The following SPTB variants were observed in gnomAD, a reference collection of about 807,000 sequenced individuals.
The protein encoded by SPTB is spectrin beta chain, erythrocytic.
Under a neutral mutation model 256.2 loss-of-function variants are expected in SPTB, and 45 were observed. That is an observed-to-expected ratio of 0.18 (90% confidence interval 0.14 to 0.23). The LOEUF is 0.23. Ranked by LOEUF, SPTB falls within the 10% of genes least tolerant of loss-of-function variation. The pLI, the probability that SPTB is intolerant of heterozygous loss-of-function variation, is 1.00. For synonymous variants in SPTB, 1,231 were observed against 1,243.1 expected, an observed-to-expected ratio of 0.99 and a Z score of 0.21; for missense variants, 2,715 against 3,040.4, an observed-to-expected ratio of 0.89 and a Z score of 2.52.
rs533113229 is a variant in SPTB at position 64,845,476 on chromosome 14, T to C, written c.-51-22331A>G. 9.8e-5 allele frequency among the ~76,000 whole-genome samples: 15 copies of C among 152,300 alleles called. No individual in the cohort carries two copies. In the East Asian group the frequency reaches 2.7e-3, roughly 27 times the overall value. On this transcript the variant is annotated intron_variant, in intron 1 of 35. Transcript: ENST00000644917. The surrounding 1 kb of genome is among the most constrained non-coding windows in gnomAD (Gnocchi z 4.8). ...ATACCTGCCAGTCTCCTCATCTCCA[T>C]CAATTAGAAAAAGAGAACCAAACTG...
intron 15 of SPTB, 78 bp from the exon 16 acceptor site, chr14:64,787,238 C>T: frequency 6.4e-7 from 1 of 1,566,540 alleles, no homozygotes; most frequent in South Asian, 1.1e-5. Context: ...ACCCTGACCC[C>T]TTCCCACATT....
Position 64,748,812 on chromosome 14 carries a change from AT to A in SPTB, c.*493del, listed in dbSNP as rs2139412511. On this transcript the variant is annotated 3_prime_UTR_variant, in exon 36 of 36. Coordinates refer to ENST00000644917, the MANE Select transcript of SPTB (RefSeq NM_001355436.2). ...TCCTCATGCCCCTAGGGGGCTGGCC[AT>A]GCATTTCCAGTGTCTTCTTCCTTTC... 1 of 162,614 alleles carries A rather than the reference AT, an allele frequency of 6.1e-6. No individual in the cohort carries two copies. Among genetic ancestry groups the A allele is most frequent in the South Asian group, 1.7e-4 (1 of 5,770 alleles). 10.1% of individuals were successfully genotyped at this position (162,614 alleles called of 1,614,324 possible). A position where few individuals can be genotyped will look rare whatever the true frequency, so the allele number is the denominator to read the frequency against.
At chr14:64,774,355 AT>A in intron 24 of SPTB, 41 bp downstream of exon 24, 1 of 1,565,514 alleles carries the variant, frequency 6.4e-7, no homozygotes. Context: ...CCCTGGCTCA[AT>A]CCCCATCTCC....
chr14:64,804,034 T>C (rs1365899041), intron 3 of SPTB, among the ~76,000 whole-genome samples: 1 of 152,182 alleles, frequency 6.6e-6, no homozygotes, highest in Non-Finnish European at 1.5e-5. Flanking sequence ...GCCCTCTGAG[T>C]GGGCAATAAA....
intron 28 of SPTB, among the ~76,000 whole-genome samples, chr14:64,769,320 G>A (rs2082242331): frequency 6.6e-6 from 1 of 152,208 alleles, no homozygotes. Context: ...TATTAAAGGA[G>A]GTCACCAGCT....
At chr14:64,757,331 G>C (rs2082028757) in intron 32 of SPTB, 1 of 152,138 alleles carries the variant, frequency 6.6e-6, no homozygotes, top group Non-Finnish European at 1.5e-5. Context: ...AATAGAGATG[G>C]ATTTTGCCAG....
Position 64,847,095 on chromosome 14 carries a change from G to A in SPTB, c.-51-23950C>T, listed in dbSNP as rs889759555. 3.3e-5 allele frequency among the ~76,000 whole-genome samples: 5 copies of A among 152,178 alleles called. No homozygotes were observed. Among genetic ancestry groups the A allele is most frequent in the Non-Finnish European group, 7.3e-5 (5 of 68,034 alleles). ...TGTCTATGTGTAGCTCCACCTCGGG[G>A]TGTGATTTCCTCAGTTGTTCACTGG... On this transcript the variant is annotated intron_variant, in intron 1 of 35. Coordinates refer to ENST00000644917, the MANE Select transcript of SPTB (RefSeq NM_001355436.2). The surrounding 1 kb of genome is among the most constrained non-coding windows in gnomAD (Gnocchi z 5.9).
chr14:64,801,698 A>C, intron 6 of SPTB, 56 bp downstream of exon 6: 5 of 1,545,220 alleles, frequency 3.2e-6, no homozygotes, highest in Admixed American at 1.7e-5. Context: ...AATGTGTCCA[A>C]ATATTCCCAG....
At position 64,775,184 on chromosome 14, in the gene SPTB, C is replaced by T. The variant is rs756327499; in HGVS notation, c.4783G>A (p.Glu1595Lys). ...TGCTCGCCAATCCAGGCCTCAGCCT[C>T]GTCTGCATCCAGGTAGTACTGCTGT... ...EAQQYYLDAD[E>K]AEAWIGEQEL... Residue 1595 changes from glutamate to lysine, a missense_variant, in exon 23 of 36, where the codon GAG becomes AAG. By Grantham distance (56) the Glu-to-Lys change is moderately conservative. Coordinates refer to ENST00000644917, the MANE Select transcript of SPTB (RefSeq NM_001355436.2). The surrounding 1 kb of genome is among the most constrained non-coding windows in gnomAD (Gnocchi z 5.0). 5.0e-6 allele frequency: 8 copies of T among 1,613,976 alleles called. No homozygotes were observed. Among genetic ancestry groups the T allele is most frequent in the South Asian group, 3.3e-5 (3 of 91,088 alleles).
At position 64,785,682 on chromosome 14, in the gene SPTB, C is replaced by T; in HGVS notation, c.3765-55G>A. On this transcript the variant is annotated intron_variant, in intron 17 of 35. Transcript: ENST00000644917. This position sits in a 1 kb window ranked among gnomAD's most constrained non-coding sequence, Gnocchi z 4.4. Reference sequence around the variant, plus strand: ...ATAGTGCCGAGCTTGGGGTCCTCACCAAGCTTGGGGTCCTCACTACCCCCG... The same window carrying T: ...ATAGTGCCGAGCTTGGGGTCCTCACTAAGCTTGGGGTCCTCACTACCCCCG... The T allele has an allele frequency of 6.2e-7, 1 of 1,613,552 alleles. No homozygotes were observed.
intron 2 of SPTB, among the ~76,000 whole-genome samples, chr14:64,815,022 G>GTGTGTGTGTGCA (rs1555373380): frequency 6.6e-6 from 1 of 151,254 alleles, no homozygotes; most frequent in African/African-American, 2.4e-5. Context: ...GTGTGTATGT[G>GTGTGTGTGTGCA]TGTGTGTGCA....
chr14:64,841,223 T>C lies in SPTB; in HGVS notation c.-51-18078A>G, dbSNP rs998671919. Among the ~76,000 whole-genome samples the C allele has an allele frequency of 4.6e-5, 7 of 152,290 alleles. No individual in the cohort carries two copies. In the East Asian group the frequency reaches 1.2e-3, roughly 25 times the overall value. On this transcript the variant is annotated intron_variant, in intron 1 of 35. Transcript: ENST00000644917. This position sits in a 1 kb window ranked among gnomAD's most constrained non-coding sequence, Gnocchi z 4.6. ...ACTGAGGCTTAGAGGGTTCAGTGAC[T>C]TGCCCCAGTACATCAGCCTGTAAAT... is the stretch of plus-strand genomic sequence containing the variant.
rs1265455043 is a variant in SPTB, at chr14:64,777,905, G to C, written c.4563+1252C>G. On this transcript the variant is annotated intron_variant, in intron 22 of 35. Coordinates refer to ENST00000644917, the MANE Select transcript of SPTB (RefSeq NM_001355436.2). The surrounding 1 kb of genome is among the most constrained non-coding windows in gnomAD (Gnocchi z 4.5). ...TTTGTCTTGCCCTTTTCCCGAAATAGCAACTGCCAGCCAGGGGAGTTAAAA... is the reference window on the plus strand; with the variant it reads ...TTTGTCTTGCCCTTTTCCCGAAATACCAACTGCCAGCCAGGGGAGTTAAAA... 3.9e-5 allele frequency among the ~76,000 whole-genome samples: 6 copies of C among 152,076 alleles called. No homozygotes were observed. The highest frequency in any genetic ancestry group is 7.4e-5 in the Non-Finnish European group (5 of 68,020).
chr14:64,767,993 G>A (rs1202634097), intron 29 of SPTB, 134 bp from the exon 30 acceptor site: 17 of 928,362 alleles, frequency 1.8e-5, no homozygotes, highest in Non-Finnish European at 2.5e-5. Flanking sequence ...GGATACGCTT[G>A]CTGCCTGCAG....
intron 1 of SPTB, among the ~76,000 whole-genome samples, chr14:64,834,260 C>A (rs987229056): frequency 1.3e-5 from 2 of 151,990 alleles, no homozygotes; most frequent in African/African-American, 4.8e-5. Context: ...CTCCTGACCT[C>A]AGATGATCCA....
At position 64,816,930 on chromosome 14, in the gene SPTB, T is replaced by C. The variant is rs2083202347; in HGVS notation, c.148+6017A>G. 6.6e-6 allele frequency among the ~76,000 whole-genome samples: 1 copy of C among 152,146 alleles called. No homozygotes were observed. The highest frequency in any genetic ancestry group is 6.5e-5 in the Admixed American group (1 of 15,278). Reference sequence around the variant, plus strand: ...CCCTTGGGAACAAATCCCACAGAAATGTCCCAAAGATGGAGGAGGCTATTA... The same window carrying C: ...CCCTTGGGAACAAATCCCACAGAAACGTCCCAAAGATGGAGGAGGCTATTA... On this transcript the variant is annotated intron_variant, in intron 2 of 35. Coordinates refer to ENST00000644917, the MANE Select transcript of SPTB (RefSeq NM_001355436.2). This position sits in a 1 kb window ranked among gnomAD's most constrained non-coding sequence, Gnocchi z 4.2.
chr14:64,782,916 G>A (rs2139548646), intron 19 of SPTB, among the ~76,000 whole-genome samples: 1 of 152,220 alleles, frequency 6.6e-6, no homozygotes, highest in East Asian at 1.9e-4. Context: ...ATGGCTGGTA[G>A]GGGAAGCTGG....
chr14:64,759,095 C>T lies in SPTB; in HGVS notation c.6346-5302G>A, dbSNP rs1197895122. Among the ~76,000 whole-genome samples, 6 of 152,088 alleles carry T rather than the reference C, an allele frequency of 3.9e-5. No homozygotes were observed. The highest frequency in any genetic ancestry group is 9.7e-5 in the African/African-American group (4 of 41,390). On this transcript the variant is annotated intron_variant, in intron 32 of 35. Transcript: ENST00000644917. The surrounding 1 kb of genome is among the most constrained non-coding windows in gnomAD (Gnocchi z 4.8). ...TATCTCAGATGAGAAAACTGGGTTC[C>T]GGAAAAGCTCAGTGACGGGCTGAGA...
chr14:64,774,615 C>G, intron 23 of SPTB, 88 bp from the exon 24 acceptor site: 2 of 1,539,454 alleles, frequency 1.3e-6, no homozygotes, highest in Non-Finnish European at 1.8e-6. Context: ...TGGAGGTGCC[C>G]GAGGGAGGAG....
Sources: allele counts gnomAD v4.1 joint callset (sites outside exome capture counted in the v4.1 genomes callset), GRCh38; gene constraint gnomAD v4.1.1; non-coding constraint Gnocchi (gnomAD v3.1); transcripts MANE v1.5; gene names NCBI Gene and HGNC (gene_info 2026-07-23, HGNC 2026-07-21).